FAM20B: variants seen among roughly 807,000 people sequenced by gnomAD.
FAM20B encodes the protein glycosaminoglycan xylosylkinase.
In FAM20B, 23 loss-of-function variants were observed where a neutral mutation model predicts 43.8. That is an observed-to-expected ratio of 0.53 (90% CI 0.38 to 0.74). FAM20B has a LOEUF of 0.74. FAM20B is among the 30% of genes least tolerant of loss of function. The pLI is 0.00. For missense variants in FAM20B, 440 were observed against 510.5 expected, an observed-to-expected ratio of 0.86 and a Z score of 1.33; for synonymous variants, 178 against 192.4, an observed-to-expected ratio of 0.93 and a Z score of 0.62.
chr1:179,040,340 G>T (rs557270190), intron 1 of FAM20B, among the ~76,000 whole-genome samples: 4 of 150,040 alleles, frequency 2.7e-5, no homozygotes, highest in African/African-American at 9.8e-5. Flanking sequence ...CTCCTGGACG[G>T]GGTGGCCGGC....
intron 1 of FAM20B, among the ~76,000 whole-genome samples, chr1:179,036,832 T>C (rs976724083): frequency 4.6e-5 from 7 of 151,900 alleles, no homozygotes; most frequent in Admixed American, 2.6e-4. Flanking sequence ...ACTTTAAGAG[T>C]GTAAGGAGGG....
intron 3 of FAM20B, 68 bp downstream of exon 3, chr1:179,050,433 G>A (rs940883364): frequency 1.2e-5 from 13 of 1,111,350 alleles, no homozygotes; most frequent in Non-Finnish European, 1.7e-5. Context: ...GAGAGGACTC[G>A]TGGACTCCTT....
chr1:179,056,805 A>G lies in FAM20B; in HGVS notation c.574+2167A>G, dbSNP rs111408273. ...ATCCTTGGCAGCATTTGATGTTGTC[A>G]TATTTTGGATTTTGACTATTCTAAT... On this transcript the variant is annotated intron_variant, in intron 4 of 7. Coordinates refer to ENST00000263733, the MANE Select transcript of FAM20B (RefSeq NM_014864.4). Among the ~76,000 whole-genome samples, 476 of 152,200 alleles carry G rather than the reference A, an allele frequency of 3.1e-3. 5 individuals are homozygous for G. Among genetic ancestry groups the G allele is most frequent in the African/African-American group, 0.011 (447 of 41,536 alleles).
At chr1:179,018,986 A>G in the FAM20B span, among the ~76,000 whole-genome samples, 1 of 152,208 alleles carries the variant, frequency 6.6e-6, no homozygotes, top group Non-Finnish European at 1.5e-5. Flanking sequence ...CGGCAGGGGA[A>G]GATCCATATC....
At position 179,033,295 on chromosome 1, in the gene FAM20B, T is replaced by C. The variant is rs914675846; in HGVS notation, c.-134+7197T>C. Among the ~76,000 whole-genome samples, 15 of 152,346 alleles carry C rather than the reference T, an allele frequency of 9.8e-5. No individual in the cohort carries two copies. The East Asian group carries it at 2.5e-3, about 25-fold the overall frequency. On this transcript the variant is annotated intron_variant, in intron 1 of 7. Transcript: ENST00000263733. ...AAGTGGATTTTAGTAAATGATCCAG[T>C]TGAGAATCTATTTCTTCTTGTGGTA...
Position 179,073,729 on chromosome 1 carries a change from T to C in FAM20B, c.*1585T>C, listed in dbSNP as rs1029932207. ...TTCTATCATTCAGTCTTGTTTGGAGTTCTGAACCCATGATGTTGTATTATG... is the reference window on the plus strand; with the variant it reads ...TTCTATCATTCAGTCTTGTTTGGAGCTCTGAACCCATGATGTTGTATTATG... On this transcript the variant is annotated 3_prime_UTR_variant, in exon 8 of 8. Transcript: ENST00000263733. 2.6e-5 allele frequency: 4 copies of C among 152,254 alleles called. No homozygotes were observed. Among genetic ancestry groups the C allele is most frequent in the African/African-American group, 9.6e-5 (4 of 41,470 alleles). 9.4% of individuals were successfully genotyped at this position (152,254 alleles called of 1,614,324 possible). A position where few individuals can be genotyped will look rare whatever the true frequency, so the allele number is the denominator to read the frequency against.
chr1:179,025,888 G>A (rs1167578491), upstream of FAM20B: 1 of 149,352 alleles, frequency 6.7e-6, no homozygotes. Context: ...TCGGAGGCGG[G>A]GGGGTGGGTG....
chr1:179,066,711 T>G, intron 6 of FAM20B, 89 bp from the exon 7 acceptor site: 1 of 866,826 alleles, frequency 1.2e-6, no homozygotes, highest in Non-Finnish European at 1.9e-6. Context: ...GGATCACATT[T>G]GAGTTTCATA....
At chr1:179,052,731 CT>C (rs1324016860) in intron 3 of FAM20B, among the ~76,000 whole-genome samples, 2 of 152,146 alleles carry the variant, frequency 1.3e-5, no homozygotes, top group Non-Finnish European at 2.9e-5. Flanking sequence ...TTTGCTGCCC[CT>C]TTTAAGACCT....
At chr1:179,035,810 TTG>T (rs372208617) in intron 1 of FAM20B, among the ~76,000 whole-genome samples, 20 of 151,060 alleles carry the variant, frequency 1.3e-4, no homozygotes, top group African/African-American at 4.6e-4. Flanking sequence ...ATGAGTGTGT[TTG>T]TGTGTGTGTG....
chr1:179,019,451 T>G, the FAM20B span, among the ~76,000 whole-genome samples: 655 of 150,490 alleles, frequency 4.4e-3, 5 homozygotes, highest in Middle Eastern at 0.017. Flanking sequence ...TGGTTTTTTT[T>G]TTTGTTTGTT....
At chr1:179,045,122 G>A (rs1650707784) in intron 2 of FAM20B, among the ~76,000 whole-genome samples, 1 of 152,132 alleles carries the variant, frequency 6.6e-6, no homozygotes, top group Non-Finnish European at 1.5e-5. Flanking sequence ...GATAATTTGT[G>A]TGACAATTCT....
chr1:179,052,333 A>C (rs929282917), intron 3 of FAM20B, among the ~76,000 whole-genome samples: 2 of 152,212 alleles, frequency 1.3e-5, no homozygotes, highest in African/African-American at 4.8e-5. Flanking sequence ...TTAAAAATTC[A>C]GATGAGATAC....
At chr1:179,039,734 T>A (rs552996208) in intron 1 of FAM20B, among the ~76,000 whole-genome samples, 1 of 127,640 alleles carries the variant, frequency 7.8e-6, no homozygotes, top group South Asian at 2.6e-4. Flanking sequence ...TTTATTTATT[T>A]ATTTATTATT....
At chr1:179,035,730 A>G (rs188020563) in intron 1 of FAM20B, 3 of 309,000 alleles carry the variant, frequency 9.7e-6, no homozygotes, top group Admixed American at 4.5e-5. Context: ...TGTGGAATCT[A>G]TATCTCTTCT....
intron 1 of FAM20B, among the ~76,000 whole-genome samples, chr1:179,037,546 A>G (rs901561214): frequency 3.2e-5 from 4 of 126,928 alleles, no homozygotes; most frequent in Admixed American, 2.0e-4. Flanking sequence ...GTGCAATGGC[A>G]CGATCTCAGC....
chr1:179,063,172 G>T (rs1651546215), intron 4 of FAM20B, among the ~76,000 whole-genome samples: 1 of 152,090 alleles, frequency 6.6e-6, no homozygotes, highest in Non-Finnish European at 1.5e-5. Context: ...AGCTACTCAG[G>T]AGGCTGAGAC....
Position 179,064,393 on chromosome 1 carries a change from G to A in FAM20B, c.835G>A (p.Ala279Thr), listed in dbSNP as rs1380674442. 16 of 1,613,914 alleles carry A rather than the reference G, an allele frequency of 9.9e-6. No homozygotes were observed. The highest frequency in any genetic ancestry group is 1.3e-5 in the Non-Finnish European group (15 of 1,179,916). Residue 279 changes from alanine to threonine, a missense_variant, in exon 6 of 8, where the codon GCT becomes ACT. By Grantham distance (58) the Ala-to-Thr change is moderately conservative. Coordinates refer to ENST00000263733, the MANE Select transcript of FAM20B (RefSeq NM_014864.4). ...GPRLLDIIDT[A>T]VFDYLIGNAD... ...GCGCCTCTTGGACATCATTGACACA[G>A]CTGTCTTTGATTACCTGATTGGCAA...
chr1:179,042,072 G>C (rs901002687), intron 1 of FAM20B, among the ~76,000 whole-genome samples: 30 of 152,130 alleles, frequency 2.0e-4, no homozygotes, highest in Non-Finnish European at 4.1e-4. Flanking sequence ...GGATCCTTGG[G>C]GTGTCACTTT....
Sources: allele counts gnomAD v4.1 joint callset (sites outside exome capture counted in the v4.1 genomes callset), GRCh38; gene constraint gnomAD v4.1.1; transcripts MANE v1.5; gene names NCBI Gene and HGNC (gene_info 2026-07-23, HGNC 2026-07-21).